MNDA: variants seen among roughly 807,000 people sequenced by gnomAD.
MNDA encodes the protein epididymis secretory sperm binding protein.
In MNDA, 43 loss-of-function variants were observed where a neutral mutation model predicts 37.8. The ratio of observed to expected loss-of-function variants is 1.14; its 90% confidence interval spans 0.89 to 1.47. MNDA has a LOEUF of 1.47. MNDA is among the 40% of genes most tolerant of loss of function. MNDA has a pLI of 0.00. For missense variants in MNDA, 536 were observed against 476.0 expected (o/e 1.13, Z -1.17); for synonymous variants, 181 against 169.0 (o/e 1.07, Z -0.55).
At position 158,843,360 on chromosome 1, in the gene MNDA, C is replaced by A; in HGVS notation, c.347C>A (p.Pro116His). ...QEEVGLAAPA[P>H]TARNKLTSEA... ...GAAGTGGGTCTTGCGGCACCTGCAC[C>A]CACCGCAAGAAACAAACTGACATCG... The change falls in exon 3 of 7, where the codon CCC becomes CAC. Residue 116 changes from proline (P) to histidine (H), a missense_variant. Pro to His is a moderately conservative substitution (Grantham distance 77, BLOSUM62 -2). Transcript: ENST00000368141. The A allele has an allele frequency of 6.2e-7, 1 of 1,612,288 alleles. No individual in the cohort carries two copies. The highest frequency in any genetic ancestry group is 8.5e-7 in the Non-Finnish European group (1 of 1,179,200).
At chr1:158,839,726 C>T (rs1159199964) in intron 1 of MNDA, among the ~76,000 whole-genome samples, 1 of 152,148 alleles carries the variant, frequency 6.6e-6, no homozygotes, top group African/African-American at 2.4e-5. Flanking sequence ...AAGAAAAACA[C>T]CTAGAAGTTT....
chr1:158,845,666 T>C lies in MNDA; in HGVS notation c.650T>C (p.Leu217Pro), dbSNP rs754740104. The change falls in exon 5 of 7, where the codon CTG (leucine) becomes CCG (proline). Residue 217 changes from leucine to proline, a missense_variant. Transcript: ENST00000368141. Reference sequence around the variant, plus strand: ...AACGACCCAGTGACAGTGGTGGTACTGAAAGCAACAGCGCCATTTAAATAC... The same window carrying C: ...AACGACCCAGTGACAGTGGTGGTACCGAAAGCAACAGCGCCATTTAAATAC... ...PQNDPVTVVVLKATAPFKYES... is the reference protein window; with the variant it reads ...PQNDPVTVVVPKATAPFKYES... The C allele has an allele frequency of 1.2e-6, 2 of 1,614,028 alleles. No homozygotes were observed. The highest frequency in any genetic ancestry group is 1.7e-6 in the Non-Finnish European group (2 of 1,180,006).
intron 1 of MNDA, among the ~76,000 whole-genome samples, chr1:158,838,935 A>T (rs1336464567): frequency 6.6e-6 from 1 of 151,958 alleles, no homozygotes; most frequent in Non-Finnish European, 1.5e-5. Flanking sequence ...TTTTCTGGTA[A>T]TTTCTATTTT....
At chr1:158,841,916 A>T (rs541129618) in intron 1 of MNDA, among the ~76,000 whole-genome samples, 13 of 152,338 alleles carry the variant, frequency 8.5e-5, no homozygotes, top group African/African-American at 2.9e-4. Flanking sequence ...CTCTGTCCCA[A>T]CTTATCAACA....
chr1:158,839,135 T>G (rs1658980981), intron 1 of MNDA, among the ~76,000 whole-genome samples: 1 of 152,176 alleles, frequency 6.6e-6, no homozygotes, highest in Admixed American at 6.5e-5. Context: ...CATGTTTACC[T>G]GTTTCTTTGT....
At chr1:158,835,526 A>T (rs1571651230) in intron 1 of MNDA, among the ~76,000 whole-genome samples, 1 of 149,748 alleles carries the variant, frequency 6.7e-6, no homozygotes, top group Admixed American at 6.8e-5. Context: ...TTCCACATAT[A>T]AGATCATATC....
intron 1 of MNDA, among the ~76,000 whole-genome samples, chr1:158,832,228 T>G (rs974573601): frequency 2.0e-5 from 3 of 152,100 alleles, no homozygotes; most frequent in Admixed American, 6.5e-5. Flanking sequence ...GGGATACATT[T>G]TGACTTTTTT....
intron 6 of MNDA, 140 bp downstream of exon 6, chr1:158,848,056 T>C: frequency 1.4e-6 from 1 of 736,702 alleles, no homozygotes; most frequent in South Asian, 1.8e-5. Context: ...CTTGCATTTG[T>C]AACTGGAAGA....
Position 158,843,384 on chromosome 1 carries a change from C to G in MNDA, c.371C>G (p.Ser124Trp). The G allele has an allele frequency of 6.2e-7, 1 of 1,611,064 alleles. No individual in the cohort carries two copies. The highest frequency in any genetic ancestry group is 1.3e-5 in the African/African-American group (1 of 74,788). Residue 124 changes from serine to tryptophan, a missense_variant, in exon 3 of 7, where the codon TCG (serine) becomes TGG (tryptophan). Transcript: ENST00000368141. ...PAPTARNKLTSEARGRIPVAQ... is the reference protein window; with the variant it reads ...PAPTARNKLTWEARGRIPVAQ... ...CCCACCGCAAGAAACAAACTGACATCGGAAGCAAGAGGGAGGATTCCTGTA... is the reference window on the plus strand; with the variant it reads ...CCCACCGCAAGAAACAAACTGACATGGGAAGCAAGAGGGAGGATTCCTGTA...
chr1:158,845,795 T>C lies in MNDA; in HGVS notation c.779T>C (p.Phe260Ser). The C allele has an allele frequency of 6.2e-7, 1 of 1,614,010 alleles. No individual in the cohort carries two copies. Residue 260 changes from phenylalanine to serine, a missense_variant, in exon 5 of 7, where the codon TTT (phenylalanine) becomes TCT (serine). Phe to Ser is a radical substitution (Grantham distance 155, BLOSUM62 -2). Coordinates refer to ENST00000368141, the MANE Select transcript of MNDA (RefSeq NM_002432.3). ...TTCGACATCAACTTGAAAGAGAAATTTGTAAGGAAGAAGGTCATTACCATA... is the reference window on the plus strand; with the variant it reads ...TTCGACATCAACTTGAAAGAGAAATCTGTAAGGAAGAAGGTCATTACCATA... ...KVFDINLKEK[F>S]VRKKVITISD...
intron 4 of MNDA, among the ~76,000 whole-genome samples, chr1:158,845,128 A>G (rs1307431407): frequency 6.6e-6 from 1 of 152,160 alleles, no homozygotes; most frequent in Non-Finnish European, 1.5e-5. Context: ...CCTAGCCCCC[A>G]GCTCCAAATA....
intron 5 of MNDA, 41 bp downstream of exon 5, chr1:158,846,044 T>A (rs1659127663): frequency 6.7e-7 from 1 of 1,497,412 alleles, no homozygotes; most frequent in African/African-American, 1.4e-5. Flanking sequence ...TACCATTACC[T>A]GGAAATAAAT....
rs561728043 is a variant in MNDA, at chr1:158,848,062, G to A, written c.1176+146G>A. ...AACAATGCCCTTGCATTTGTAACTG[G>A]AAGATTTTCAGAAGGATATTAAGGT... On this transcript the variant is annotated intron_variant, in intron 6 of 6. Coordinates refer to ENST00000368141, the MANE Select transcript of MNDA (RefSeq NM_002432.3). The A allele has an allele frequency of 4.1e-5, 29 of 715,914 alleles. No individual in the cohort carries two copies. The East Asian group carries it at 7.6e-4, about 19-fold the overall frequency. The allele number at this position is 715,914 out of a possible 1,614,324, so 44.3% of individuals were successfully genotyped here.
chr1:158,842,065 A>G, intron 1 of MNDA, 69 bp from the exon 2 acceptor site: 1 of 1,415,774 alleles, frequency 7.1e-7, no homozygotes, highest in Non-Finnish European at 9.6e-7. Flanking sequence ...CTCACTCACA[A>G]AAGCATATCT....
At position 158,842,260 on chromosome 1, in the gene MNDA, C is replaced by G. The variant is rs1007525613; in HGVS notation, c.107C>G (p.Thr36Ser). The G allele has an allele frequency of 3.1e-6, 5 of 1,614,006 alleles. No homozygotes were observed. Among genetic ancestry groups the G allele is most frequent in the Non-Finnish European group, 4.2e-6 (5 of 1,179,958 alleles). Residue 36 changes from threonine to serine, a missense_variant, in exon 2 of 7, where the codon ACT becomes AGT. Transcript: ENST00000368141. ...KSLLAYDLGLTTKMQEEYNRI... is the reference protein window; with the variant it reads ...KSLLAYDLGLSTKMQEEYNRI... ...TTACTGGCCTATGATTTAGGACTAA[C>G]TACAAAAATGCAAGAGGAATACAAC...
chr1:158,845,999 A>G lies in MNDA; in HGVS notation c.983A>G (p.Gln328Arg). ...ATGGTGTATGGGTTGTTTATGTTAC[A>G]AAAGGTAAACCCTTAATTTTGTTTT... ...GTMVYGLFML[Q>R]KKSVHKKNTI... is the part of the protein sequence containing the mutation. The change falls in exon 5 of 7, where the codon CAA becomes CGA. Residue 328 changes from glutamine to arginine, a missense_variant. By Grantham distance (43) the Gln-to-Arg change is conservative. Transcript: ENST00000368141. 3 of 1,597,858 alleles carry G rather than the reference A, an allele frequency of 1.9e-6. No individual in the cohort carries two copies. Among genetic ancestry groups the G allele is most frequent in the Non-Finnish European group, 2.6e-6 (3 of 1,173,134 alleles).
At chr1:158,843,819 T>A (rs1043070483) in intron 3 of MNDA, 136 bp from the exon 4 acceptor site, 1 of 733,894 alleles carries the variant, frequency 1.4e-6, no homozygotes, top group Admixed American at 3.2e-5. Flanking sequence ...AAGTGACAGA[T>A]TGTAATTCCC....
Position 158,845,715 on chromosome 1 carries a change from C to T in MNDA, c.699C>T (p.Ser233=), listed in dbSNP as rs745512185. 3.1e-6 allele frequency: 5 copies of T among 1,614,062 alleles called. No homozygotes were observed. In the South Asian group the frequency reaches 3.3e-5, roughly 11 times the overall value. ...FKYESPENGK[S]TMFHATVASK... ...ACGAGTCCCCAGAAAATGGGAAAAGCACAATGTTTCATGCTACAGTGGCCA... is the reference window on the plus strand; with the variant it reads ...ACGAGTCCCCAGAAAATGGGAAAAGTACAATGTTTCATGCTACAGTGGCCA... Residue 233 remains serine, a synonymous_variant, in exon 5 of 7, where the codon AGC becomes AGT. Transcript: ENST00000368141.
chr1:158,842,676 T>G (rs1387591111), intron 2 of MNDA: 1 of 307,496 alleles, frequency 3.3e-6, no homozygotes, highest in Non-Finnish European at 6.0e-6. Flanking sequence ...ACGGTGAGTG[T>G]TTCAGTAAAT....
Sources: gnomAD v4.1 joint callset for allele counts (sites outside exome capture counted in the v4.1 genomes callset) on GRCh38, gnomAD v4.1.1 for gene constraint, MANE v1.5 for transcripts, NCBI Gene and HGNC (gene_info 2026-07-23, HGNC 2026-07-21) for gene names.